Variants in ANO1 observed in about 807,000 individuals in gnomAD.
The protein encoded by ANO1 is anoctamin 1.
A neutral mutation model predicts 124.0 loss-of-function variants in ANO1; 59 were observed. The observed-to-expected ratio is 0.48, with a 90% confidence interval of 0.39 to 0.59. ANO1 has a LOEUF of 0.59. Among genes scored for constraint, ANO1 ranks in the 20% least tolerant of loss-of-function variants. The pLI is 0.00. For synonymous variants in ANO1, 529 were observed against 532.0 expected (o/e 0.99, Z 0.08); for missense variants, 1,059 against 1,328.0 (o/e 0.80, Z 3.15).
chr11:70,172,143 A>AAAAGG (rs2048502026), intron 22 of ANO1, among the ~76,000 whole-genome samples: 1 of 151,052 alleles, frequency 6.6e-6, no homozygotes, highest in Non-Finnish European at 1.5e-5. Context: ...AAAAGAAAAG[A>AAAAGG]AAAGAAAAGA....
At chr11:70,088,117 G>T (rs12785876) in intron 2 of ANO1, 33 bp downstream of exon 2, 5 of 184,176 alleles carry the variant, frequency 2.7e-5, no homozygotes, top group East Asian at 2.6e-4. Flanking sequence ...TTTGTGGGGG[G>T]TGGGGGGTGG....
intron 8 of ANO1, 119 bp downstream of exon 8, chr11:70,116,618 C>T (rs1565216221): frequency 7.5e-6 from 7 of 938,804 alleles, no homozygotes; most frequent in Non-Finnish European, 1.2e-5. Context: ...CCAGGGCGCT[C>T]GCTGCAGGGG....
chr11:70,006,101 C>T (rs1856477863), intron 1 of ANO1, among the ~76,000 whole-genome samples: 1 of 152,170 alleles, frequency 6.6e-6, no homozygotes, highest in African/African-American at 2.4e-5. Flanking sequence ...TGGAGACACG[C>T]TCCGGTCCCT....
Position 70,189,053 on chromosome 11 carries a change from A to C in ANO1, c.*1049A>C, listed in dbSNP as rs1317983067. 1 of 152,552 alleles carries C rather than the reference A, an allele frequency of 6.6e-6. No homozygotes were observed. Among genetic ancestry groups the C allele is most frequent in the Non-Finnish European group, 1.5e-5 (1 of 68,016 alleles). The allele number at this position is 152,552 out of a possible 1,614,324, so 9.4% of individuals were successfully genotyped here. On this transcript the variant is annotated 3_prime_UTR_variant, in exon 26 of 26. Transcript: ENST00000355303. ...GCTTATATTTTGGTAACACTTCTCTATATTTTTACTCACAGGAATGTCACT... is the reference window on the plus strand; with the variant it reads ...GCTTATATTTTGGTAACACTTCTCTCTATTTTTACTCACAGGAATGTCACT...
intron 1 of ANO1, among the ~76,000 whole-genome samples, chr11:70,054,366 G>T (rs1433424642): frequency 6.6e-6 from 1 of 152,236 alleles, no homozygotes; most frequent in African/African-American, 2.4e-5. Context: ...CTAAGGGGCA[G>T]ATGTTGTGGG....
At chr11:70,069,052 A>G (rs1359947219) in intron 1 of ANO1, among the ~76,000 whole-genome samples, 1 of 152,204 alleles carries the variant, frequency 6.6e-6, no homozygotes, top group Non-Finnish European at 1.5e-5. Flanking sequence ...CCCCCTCCAC[A>G]GGGTCCCCCT....
intron 1 of ANO1, among the ~76,000 whole-genome samples, chr11:70,045,821 C>T (rs544998929): frequency 5.3e-5 from 8 of 152,288 alleles, no homozygotes; most frequent in Non-Finnish European, 8.8e-5. Flanking sequence ...ATGGAATGGA[C>T]TCATGTTAGA....
chr11:70,164,905 T>C (rs2048192419), intron 19 of ANO1, among the ~76,000 whole-genome samples: 1 of 152,002 alleles, frequency 6.6e-6, no homozygotes, highest in South Asian at 2.1e-4. Flanking sequence ...CCCAGTGCGC[T>C]CCCCGCTCCC....
At chr11:70,014,149 A>G (rs1176766998) in intron 1 of ANO1, among the ~76,000 whole-genome samples, 3 of 151,228 alleles carry the variant, frequency 2.0e-5, no homozygotes, top group Admixed American at 6.5e-5. Context: ...TGCGGGTGAG[A>G]GTTTTAACAT....
chr11:69,993,226 A>G (rs1177454619), intron 1 of ANO1, among the ~76,000 whole-genome samples: 1 of 152,172 alleles, frequency 6.6e-6, no homozygotes, highest in Admixed American at 6.5e-5. Flanking sequence ...CTTGATACCC[A>G]AGACTTAATT....
chr11:69,985,541 G>A (rs936365301), upstream of ANO1, among the ~76,000 whole-genome samples: 25 of 152,288 alleles, frequency 1.6e-4, no homozygotes, highest in South Asian at 4.1e-4. Context: ...TCACGGAACC[G>A]CCCCGCGCCC....
intron 1 of ANO1, among the ~76,000 whole-genome samples, chr11:70,047,718 C>A (rs1297020911): frequency 6.6e-6 from 1 of 152,176 alleles, no homozygotes; most frequent in Non-Finnish European, 1.5e-5. Context: ...ATAATAAAAT[C>A]ATTTTTTAAA....
At position 70,167,800 on chromosome 11, in the gene ANO1, G is replaced by A. The variant is rs578158572; in HGVS notation, c.2197+413G>A. Among the ~76,000 whole-genome samples the A allele has an allele frequency of 1.1e-4, 16 of 152,242 alleles. No homozygotes were observed. The East Asian group carries it at 2.3e-3, about 22-fold the overall frequency. ...TCCTCCCTTAGTCTCCTCACCAGCC[G>A]AGGGCCCGGCCCTGCTAAGCTGCAA... On this transcript the variant is annotated intron_variant, in intron 21 of 25. Transcript: ENST00000355303.
chr11:70,062,063 CTTTCT>C (rs1591066281), intron 1 of ANO1, among the ~76,000 whole-genome samples: 12 of 76,700 alleles, frequency 1.6e-4, no homozygotes, highest in East Asian at 7.8e-4. Context: ...CTCTTTCCTT[CTTTCT>C]TTTTTTTTTT....
chr11:70,066,421 G>T (rs901648810), intron 1 of ANO1, among the ~76,000 whole-genome samples: 2 of 152,158 alleles, frequency 1.3e-5, no homozygotes, highest in Admixed American at 6.5e-5. Context: ...CACATGACTT[G>T]TCCAAAGACA....
chr11:70,161,287 G>A lies in ANO1; in HGVS notation c.1705G>A (p.Val569Ile). 6.2e-7 allele frequency: 1 copy of A among 1,613,870 alleles called. No individual in the cohort carries two copies. Among genetic ancestry groups the A allele is most frequent in the Non-Finnish European group, 8.5e-7 (1 of 1,179,768 alleles). Residue 569 changes from valine (V) to isoleucine (I), a missense_variant, in exon 17 of 26, where the codon GTC (valine) becomes ATC (isoleucine). Around this residue, in one of 2 missense-constraint regions of ANO1, gnomAD observed 809 missense variants for 1,094.9 expected, o/e 0.74. Transcript: ENST00000355303. ...CCGGGTCACAGTCACAGCCACCGCA[G>A]TCATCATCAACCTAGTGGTCATCAT... Reference protein sequence around the residue: ...NIRVTVTATAVIINLVVIILL... With the variant: ...NIRVTVTATAIIINLVVIILL...
chr11:70,058,445 C>T (rs1857491578), intron 1 of ANO1, among the ~76,000 whole-genome samples: 1 of 152,210 alleles, frequency 6.6e-6, no homozygotes, highest in South Asian at 2.1e-4. Context: ...GCTAAAGAGT[C>T]AACCTGGGCC....
chr11:70,023,262 C>T (rs1464079806), intron 1 of ANO1, among the ~76,000 whole-genome samples: 1 of 152,182 alleles, frequency 6.6e-6, no homozygotes, highest in African/African-American at 2.4e-5. Flanking sequence ...ATTGTTGGAC[C>T]GGCATGTGTT....
At position 70,108,333 on chromosome 11, in the gene ANO1, C is replaced by G. The variant is rs181250366; in HGVS notation, c.748-20C>G. 1.9e-4 allele frequency: 309 copies of G among 1,605,190 alleles called. No individual in the cohort carries two copies. The highest frequency in any genetic ancestry group is 6.1e-4 in the South Asian group (55 of 90,314). ...GGTGCCTTAAGTAACTGCTCACCCCCCTTCTTGTCTCTGCAATAGGTCTAT... is the reference window on the plus strand; with the variant it reads ...GGTGCCTTAAGTAACTGCTCACCCCGCTTCTTGTCTCTGCAATAGGTCTAT... On this transcript the variant is annotated intron_variant, in intron 5 of 25. Coordinates refer to ENST00000355303, the MANE Select transcript of ANO1 (RefSeq NM_018043.7).
Sources: allele counts gnomAD v4.1 joint callset (sites outside exome capture counted in the v4.1 genomes callset), GRCh38; gene constraint gnomAD v4.1.1; regional missense constraint gnomAD v4.1.1; transcripts MANE v1.5; gene names NCBI Gene and HGNC (gene_info 2026-07-23, HGNC 2026-07-21).